Variants in MYO10 observed in about 807,000 individuals in gnomAD.
MYO10 encodes myosin X.
MYO10 carries 133 observed loss-of-function variants against 257.3 expected under a neutral mutation model. The ratio of observed to expected loss-of-function variants is 0.52; its 90% CI spans 0.45 to 0.60. The LOEUF is 0.60. MYO10 is among the 20% of genes least tolerant of loss of function. The probability of loss-of-function intolerance (pLI) is 0.00; values close to 1 mark genes in which losing one functional copy is unlikely to be tolerated. For synonymous variants in MYO10, 1,104 were observed against 1,028.6 expected (o/e 1.07, Z -1.40); for missense variants, 2,399 against 2,635.7 (o/e 0.91, Z 1.97).
chr5:16,878,276 C>A (rs1033513416), intron 1 of MYO10, among the ~76,000 whole-genome samples: 1 of 152,176 alleles, frequency 6.6e-6, no homozygotes, highest in Non-Finnish European at 1.5e-5. Flanking sequence ...ATACCAAAAT[C>A]CATGTGTAAA....
chr5:16,767,584 G>A (rs1052074120), intron 10 of MYO10, among the ~76,000 whole-genome samples: 4 of 152,056 alleles, frequency 2.6e-5, no homozygotes, highest in Non-Finnish European at 5.9e-5. Flanking sequence ...AATAAAAATA[G>A]AACATTTATT....
intron 4 of MYO10, among the ~76,000 whole-genome samples, chr5:16,790,449 T>TC (rs1038578941): frequency 4.6e-5 from 7 of 152,168 alleles, no homozygotes; most frequent in Non-Finnish European, 5.9e-5. Flanking sequence ...CTCCCATGGT[T>TC]CCCGCCATGT....
At chr5:16,667,997 A>G (rs560561447) in intron 40 of MYO10, among the ~76,000 whole-genome samples, 9 of 152,222 alleles carry the variant, frequency 5.9e-5, no homozygotes, top group African/African-American at 1.9e-4. Context: ...AGGGACATCT[A>G]TGTCACTTCC....
chr5:16,733,098 C>T (rs887891268), intron 19 of MYO10, among the ~76,000 whole-genome samples: 5 of 152,192 alleles, frequency 3.3e-5, no homozygotes, highest in Non-Finnish European at 4.4e-5. Context: ...CGTGCCATTG[C>T]ACTCCAGCCT....
At chr5:16,755,891 C>T (rs1397085225) in intron 18 of MYO10, among the ~76,000 whole-genome samples, 1 of 152,078 alleles carries the variant, frequency 6.6e-6, no homozygotes, top group Admixed American at 6.6e-5. Context: ...GTGATTTCCT[C>T]CAGCAGCATT....
intron 3 of MYO10, among the ~76,000 whole-genome samples, chr5:16,801,174 T>G (rs986172925): frequency 6.6e-6 from 1 of 152,148 alleles, no homozygotes; most frequent in Non-Finnish European, 1.5e-5. Flanking sequence ...GAAAGAGCAC[T>G]TAAACAGCTG....
intron 19 of MYO10, among the ~76,000 whole-genome samples, chr5:16,749,002 TGGGG>T (rs1427762543): frequency 6.6e-6 from 1 of 152,046 alleles, no homozygotes; most frequent in Non-Finnish European, 1.5e-5. Context: ...TAGAGACAGA[TGGGG>T]CTCCAAGATC....
At chr5:16,879,915 C>T (rs529459710) in intron 1 of MYO10, among the ~76,000 whole-genome samples, 1 of 152,296 alleles carries the variant, frequency 6.6e-6, no homozygotes, top group South Asian at 2.1e-4. Flanking sequence ...TGGTGGCTCA[C>T]GCCTATAATC....
At chr5:16,817,960 TTCAC>T (rs1213502625) in intron 3 of MYO10, 45 bp downstream of exon 3, 3 of 1,322,128 alleles carry the variant, frequency 2.3e-6, no homozygotes, top group Non-Finnish European at 3.0e-6. Flanking sequence ...AAAATAAGCA[TTCAC>T]TCAAACGTGA....
At position 16,884,803 on chromosome 5, in the gene MYO10, C is replaced by T. The variant is rs148208716; in HGVS notation, c.22-7096G>A. Among the ~76,000 whole-genome samples, 11 of 151,976 alleles carry T rather than the reference C, an allele frequency of 7.2e-5. 1 individual carries two copies. The highest frequency in any genetic ancestry group is 2.4e-4 in the African/African-American group (10 of 41,348). ...AGTTGTAATACAAGTTTCTCCACCT[C>T]GGTGCTATTGACATTGTGGACTAGA... On this transcript the variant is annotated intron_variant, in intron 1 of 40. Coordinates refer to ENST00000513610, the MANE Select transcript of MYO10 (RefSeq NM_012334.3).
chr5:16,903,729 C>A (rs975606968), intron 1 of MYO10, among the ~76,000 whole-genome samples: 4 of 152,192 alleles, frequency 2.6e-5, no homozygotes, highest in Non-Finnish European at 4.4e-5. Flanking sequence ...AGCCTGCTCT[C>A]AAACAGTTTA....
intron 3 of MYO10, among the ~76,000 whole-genome samples, chr5:16,797,717 T>A (rs749284485): frequency 4.6e-5 from 7 of 152,180 alleles, no homozygotes; most frequent in Non-Finnish European, 7.3e-5. Context: ...AGTTCACATA[T>A]CCAGAATAGG....
At chr5:16,691,686 G>A (rs1287591220) in intron 27 of MYO10, among the ~76,000 whole-genome samples, 1 of 137,644 alleles carries the variant, frequency 7.3e-6, no homozygotes, top group Non-Finnish European at 1.6e-5. Flanking sequence ...GTGACAGAGC[G>A]AGACTCTGTA....
chr5:16,926,820 T>C (rs1051782943), intron 1 of MYO10, among the ~76,000 whole-genome samples: 1 of 151,996 alleles, frequency 6.6e-6, no homozygotes, highest in African/African-American at 2.4e-5. Context: ...AACAAGTGAG[T>C]TTGCTAAAAT....
chr5:16,828,577 G>A (rs1318099661), intron 2 of MYO10, among the ~76,000 whole-genome samples: 4 of 144,228 alleles, frequency 2.8e-5, no homozygotes, highest in Admixed American at 7.1e-5. Flanking sequence ...CTGAGATTGC[G>A]CCACTGCACT....
chr5:16,870,627 T>C (rs1744426705), intron 2 of MYO10, among the ~76,000 whole-genome samples: 1 of 152,096 alleles, frequency 6.6e-6, no homozygotes. Flanking sequence ...GCACGGTGAC[T>C]CACACCTGTA....
At chr5:16,673,233 G>A (rs1287656127) in intron 36 of MYO10, among the ~76,000 whole-genome samples, 4 of 151,590 alleles carry the variant, frequency 2.6e-5, no homozygotes, top group Admixed American at 6.6e-5. Flanking sequence ...GTGGGGGTCG[G>A]GGTGGTGGTT....
intron 8 of MYO10, 54 bp from the exon 9 acceptor site, chr5:16,779,702 A>T: frequency 1.9e-6 from 2 of 1,066,830 alleles, no homozygotes; most frequent in East Asian, 5.0e-5. Flanking sequence ...GATGAAATTC[A>T]GAGTTTTCAC....
chr5:16,789,800 A>G (rs535193783), intron 4 of MYO10, among the ~76,000 whole-genome samples: 1 of 152,272 alleles, frequency 6.6e-6, no homozygotes, highest in East Asian at 1.9e-4. Flanking sequence ...AACAAAAAAC[A>G]GAAATACAGA....
Sources: gnomAD v4.1 joint callset for allele counts (sites outside exome capture counted in the v4.1 genomes callset) on GRCh38, gnomAD v4.1.1 for gene constraint, MANE v1.5 for transcripts, NCBI Gene and HGNC (gene_info 2026-07-23, HGNC 2026-07-21) for gene names.